The following EPB41L4B variants were observed in gnomAD, a reference collection of about 807,000 sequenced individuals.
EPB41L4B encodes band 4.1-like protein 4B.
In EPB41L4B, 30 loss-of-function variants were observed where a neutral mutation model predicts 112.5. The observed-to-expected ratio is 0.27, with a 90% confidence interval of 0.20 to 0.36. The LOEUF is 0.36. Among genes scored for constraint, EPB41L4B ranks in the 10% least tolerant of loss-of-function variants. The probability of loss-of-function intolerance (pLI) is 1.00; values close to 1 mark genes in which losing one functional copy is unlikely to be tolerated. For missense variants in EPB41L4B, 1,024 were observed against 1,133.3 expected (o/e 0.90, Z 1.38); for synonymous variants, 408 against 439.7 (o/e 0.93, Z 0.90).
At chr9:109,235,130 T>C (rs1340516236) in intron 15 of EPB41L4B, among the ~76,000 whole-genome samples, 1 of 152,214 alleles carries the variant, frequency 6.6e-6, no homozygotes, top group Non-Finnish European at 1.5e-5. Flanking sequence ...GGGAAAGCAT[T>C]GTCCACATTC....
At chr9:109,298,438 T>G (rs1005622439) in intron 1 of EPB41L4B, among the ~76,000 whole-genome samples, 32 of 151,758 alleles carry the variant, frequency 2.1e-4, no homozygotes, top group African/African-American at 7.5e-4. Context: ...CTCAGCCTCC[T>G]GAGTAGCTGG....
intron 18 of EPB41L4B, among the ~76,000 whole-genome samples, chr9:109,205,573 G>A (rs915288547): frequency 3.3e-5 from 5 of 152,184 alleles, no homozygotes; most frequent in Admixed American, 6.5e-5. Context: ...TAAAGAATTT[G>A]TGACTATAAC....
chr9:109,195,343 C>A (rs1008108582), intron 20 of EPB41L4B, among the ~76,000 whole-genome samples: 1 of 152,182 alleles, frequency 6.6e-6, no homozygotes, highest in African/African-American at 2.4e-5. Flanking sequence ...GAACATGAGG[C>A]CGTGAGACAA....
chr9:109,288,456 C>A (rs1836383585), intron 1 of EPB41L4B, among the ~76,000 whole-genome samples: 1 of 152,094 alleles, frequency 6.6e-6, no homozygotes, highest in Non-Finnish European at 1.5e-5. Flanking sequence ...CACAGTGGCT[C>A]ACGTCTGTAA....
chr9:109,286,497 G>A (rs1836286905), intron 1 of EPB41L4B, among the ~76,000 whole-genome samples: 1 of 152,190 alleles, frequency 6.6e-6, no homozygotes. Flanking sequence ...GCGACGCGTT[G>A]TCTAGTGGTT....
At chr9:109,216,827 G>GCA (rs1833387000) in intron 16 of EPB41L4B, 95 bp downstream of exon 16, 13 of 1,234,208 alleles carry the variant, frequency 1.1e-5, no homozygotes, top group Non-Finnish European at 1.4e-5. Context: ...ATTGTGTGCT[G>GCA]CACCGCAAGG....
intron 22 of EPB41L4B, among the ~76,000 whole-genome samples, chr9:109,191,017 C>T (rs1014363740): frequency 1.3e-5 from 2 of 152,174 alleles, no homozygotes; most frequent in African/African-American, 4.8e-5. Flanking sequence ...GAGACCTGTC[C>T]ATCACCCTAC....
intron 15 of EPB41L4B, chr9:109,240,131 T>TA (rs981947445): frequency 2.5e-5 from 25 of 984,740 alleles, no homozygotes; most frequent in Middle Eastern, 5.2e-4. Context: ...AGAATCAATT[T>TA]AAAAAAAATG....
chr9:109,258,694 C>G (rs1835074185), intron 6 of EPB41L4B, among the ~76,000 whole-genome samples: 1 of 152,142 alleles, frequency 6.6e-6, no homozygotes, highest in South Asian at 2.1e-4. Context: ...TAGGTCAGAG[C>G]AGCACTTCAG....
At chr9:109,299,423 G>A (rs1358864245) in intron 1 of EPB41L4B, among the ~76,000 whole-genome samples, 1 of 152,092 alleles carries the variant, frequency 6.6e-6, no homozygotes, top group Non-Finnish European at 1.5e-5. Flanking sequence ...CTACAGGCAT[G>A]CACCACCATG....
intron 16 of EPB41L4B, among the ~76,000 whole-genome samples, chr9:109,216,658 AAAAAG>A: frequency 6.6e-6 from 1 of 151,322 alleles, no homozygotes; most frequent in Admixed American, 6.6e-5. Flanking sequence ...AAAAAAAAAA[AAAAAG>A]AAAAGAAAAA....
chr9:109,265,496 C>T (rs1835369145), intron 4 of EPB41L4B, among the ~76,000 whole-genome samples: 1 of 151,908 alleles, frequency 6.6e-6, no homozygotes, highest in African/African-American at 2.4e-5. Context: ...GTTCTTTTCC[C>T]CTGATGCAGT....
intron 15 of EPB41L4B, among the ~76,000 whole-genome samples, chr9:109,228,838 A>C (rs966825333): frequency 2.6e-5 from 4 of 152,202 alleles, no homozygotes; most frequent in Admixed American, 1.3e-4. Flanking sequence ...TTAAAATACT[A>C]TTACAAATTG....
At chr9:109,224,300 A>G (rs1833689185) in intron 15 of EPB41L4B, among the ~76,000 whole-genome samples, 1 of 152,190 alleles carries the variant, frequency 6.6e-6, no homozygotes, top group Non-Finnish European at 1.5e-5. Flanking sequence ...ATATCCATCA[A>G]CTGATGAATG....
chr9:109,226,479 T>C (rs1833760343), intron 15 of EPB41L4B, among the ~76,000 whole-genome samples: 1 of 151,872 alleles, frequency 6.6e-6, no homozygotes, highest in South Asian at 2.1e-4. Context: ...ATTAAGTTTC[T>C]TAGTTTTTTC....
chr9:109,180,496 T>C (rs1384071075), intron 24 of EPB41L4B, among the ~76,000 whole-genome samples: 1 of 152,032 alleles, frequency 6.6e-6, no homozygotes, highest in Non-Finnish European at 1.5e-5. Context: ...CCCATGTCTC[T>C]GCCCTCTCAT....
At chr9:109,185,718 T>G in intron 22 of EPB41L4B, 113 bp from the exon 23 acceptor site, 11 of 733,102 alleles carry the variant, frequency 1.5e-5, no homozygotes, top group African/African-American at 1.8e-5. Context: ...AAGACAGATC[T>G]GGCAACTCCA....
chr9:109,242,144 C>T (rs183689484), intron 15 of EPB41L4B, among the ~76,000 whole-genome samples: 95 of 152,350 alleles, frequency 6.2e-4, no homozygotes, highest in African/African-American at 2.2e-3. Context: ...TGCCAGCATG[C>T]ACCATGAATG....
intron 17 of EPB41L4B, among the ~76,000 whole-genome samples, chr9:109,208,511 G>T (rs764117859): frequency 9.9e-5 from 15 of 152,130 alleles, no homozygotes; most frequent in Non-Finnish European, 1.8e-4. Flanking sequence ...TTTTCAACAA[G>T]AAATTTATAT....
Sources: allele counts gnomAD v4.1 joint callset (sites outside exome capture counted in the v4.1 genomes callset), GRCh38; gene constraint gnomAD v4.1.1; transcripts MANE v1.5; gene names NCBI Gene and HGNC (gene_info 2026-07-23, HGNC 2026-07-21).